CACNA1C: variants seen among roughly 807,000 people sequenced by gnomAD.
CACNA1C encodes the protein voltage-dependent L-type calcium channel subunit alpha-1C.
In CACNA1C, 30 loss-of-function variants were observed where a neutral mutation model predicts 229.0. That is an observed-to-expected ratio of 0.13 (90% CI 0.10 to 0.18). The LOEUF (loss-of-function observed/expected upper bound fraction) is 0.18, where lower values mean the gene tolerates loss of function less well. Ranked by LOEUF, CACNA1C falls within the 10% of genes least tolerant of loss-of-function variation. CACNA1C has a pLI of 1.00. For missense variants in CACNA1C, 1,658 were observed against 2,845.0 expected, an observed-to-expected ratio of 0.58 and a Z score of 9.49; for synonymous variants, 1,114 against 1,132.5, an observed-to-expected ratio of 0.98 and a Z score of 0.33.
chr12:2,297,595 G>A (rs2094168831), intron 3 of CACNA1C, among the ~76,000 whole-genome samples: 1 of 152,198 alleles, frequency 6.6e-6, no homozygotes, highest in African/African-American at 2.4e-5. Context: ...CCCCACCACT[G>A]CTGAGCCCCA....
chr12:2,365,155 T>C (rs1197319457), intron 3 of CACNA1C, among the ~76,000 whole-genome samples: 1 of 152,268 alleles, frequency 6.6e-6, no homozygotes, highest in Non-Finnish European at 1.5e-5. Flanking sequence ...TGTGAAATTA[T>C]GGAGCGTGTG....
intron 3 of CACNA1C, among the ~76,000 whole-genome samples, chr12:2,162,070 G>A (rs149690810): frequency 6.6e-6 from 1 of 152,230 alleles, no homozygotes; most frequent in African/African-American, 2.4e-5. Flanking sequence ...TGTAGGAATG[G>A]GGATAAAAAT....
intron 3 of CACNA1C, among the ~76,000 whole-genome samples, chr12:2,194,250 GCCTCCTCCTCCT>G (rs56198094): frequency 3.0e-5 from 4 of 133,548 alleles, no homozygotes; most frequent in East Asian, 2.2e-4. Flanking sequence ...CTCCTCCACT[GCCTCCTCCTCCT>G]CCTCCTCCTC....
At chr12:2,533,047 G>C (rs1461244827) in intron 9 of CACNA1C, among the ~76,000 whole-genome samples, 1 of 152,136 alleles carries the variant, frequency 6.6e-6, no homozygotes, top group Admixed American at 6.5e-5. Flanking sequence ...TCTAAGATTC[G>C]GGCAAAGAGG....
intron 3 of CACNA1C, among the ~76,000 whole-genome samples, chr12:2,286,545 G>C (rs1035219921): frequency 1.1e-4 from 17 of 152,138 alleles, no homozygotes; most frequent in African/African-American, 4.1e-4. Context: ...TTCTGGCTTC[G>C]GGGCTTCTCT....
chr12:2,188,520 T>C (rs1486461842), intron 3 of CACNA1C, among the ~76,000 whole-genome samples: 4 of 152,214 alleles, frequency 2.6e-5, no homozygotes, highest in African/African-American at 7.2e-5. Flanking sequence ...AAAAAGCTTA[T>C]AGGATATAAG....
intron 34 of CACNA1C, among the ~76,000 whole-genome samples, chr12:2,657,980 A>C (rs979451620): frequency 6.6e-6 from 1 of 151,392 alleles, no homozygotes; most frequent in African/African-American, 2.5e-5. Flanking sequence ...ATTACATACC[A>C]ATAGAAGTAT....
intron 3 of CACNA1C, among the ~76,000 whole-genome samples, chr12:2,299,723 C>T (rs1049327541): frequency 2.0e-5 from 3 of 152,148 alleles, no homozygotes; most frequent in Non-Finnish European, 2.9e-5. Flanking sequence ...AAGGGGAAAA[C>T]TTGATCCTCA....
chr12:2,582,973 G>GGCCCCCA (rs769996350), intron 15 of CACNA1C, 31 bp downstream of exon 15: 8 of 1,491,350 alleles, frequency 5.4e-6, no homozygotes, highest in South Asian at 3.6e-5. Context: ...CCACCCCTGC[G>GGCCCCCA]GCCCCCAGCC....
chr12:2,154,137 G>C (rs1465501467), intron 3 of CACNA1C, among the ~76,000 whole-genome samples: 4 of 152,182 alleles, frequency 2.6e-5, no homozygotes, highest in African/African-American at 9.7e-5. Flanking sequence ...TTTTCCTCCA[G>C]CTTCTCTGTT....
chr12:2,251,427 G>T (rs1028654822), intron 3 of CACNA1C, among the ~76,000 whole-genome samples: 1 of 152,202 alleles, frequency 6.6e-6, no homozygotes, highest in African/African-American at 2.4e-5. Flanking sequence ...CCTGCAAGGG[G>T]AGAAGTAGCT....
At chr12:2,607,366 T>C in intron 26 of CACNA1C, 1 of 482,770 alleles carries the variant, frequency 2.1e-6, no homozygotes. Flanking sequence ...GACCTTTTTT[T>C]AGCCCTCTTT....
intron 1 of CACNA1C, chr12:2,004,258 C>T (rs2042894805): frequency 6.2e-7 from 1 of 1,612,304 alleles, no homozygotes; most frequent in African/African-American, 1.3e-5. Flanking sequence ...CTGGGCTGCA[C>T]TGCTCCGCCG....
chr12:2,318,945 G>A (rs1246592630), intron 3 of CACNA1C, among the ~76,000 whole-genome samples: 7 of 151,026 alleles, frequency 4.6e-5, no homozygotes, highest in African/African-American at 1.7e-4. Context: ...AGGAAGGCAG[G>A]CAGGGAGGGA....
chr12:2,300,972 G>T (rs918438775), intron 3 of CACNA1C, among the ~76,000 whole-genome samples: 2 of 152,186 alleles, frequency 1.3e-5, no homozygotes, highest in African/African-American at 4.8e-5. Context: ...GGAAGGTGAG[G>T]GTCCCTGTTG....
At chr12:2,592,563 G>C (rs1160805050) in intron 18 of CACNA1C, among the ~76,000 whole-genome samples, 1 of 152,230 alleles carries the variant, frequency 6.6e-6, no homozygotes, top group Non-Finnish European at 1.5e-5. Flanking sequence ...GGAATAAGCT[G>C]TCTGACTTTG....
chr12:1,978,411 G>A (rs962687014), intron 1 of CACNA1C, among the ~76,000 whole-genome samples: 1 of 152,008 alleles, frequency 6.6e-6, no homozygotes, highest in African/African-American at 2.4e-5. Flanking sequence ...CAGAGATCAG[G>A]GTTAGCAGAA....
chr12:2,402,290 T>C (rs113991758), intron 3 of CACNA1C, among the ~76,000 whole-genome samples: 98 of 152,376 alleles, frequency 6.4e-4, no homozygotes, highest in African/African-American at 2.3e-3. Flanking sequence ...TTGAGAAAGA[T>C]AATGAAATGA....
chr12:2,096,386 A>G (rs2073983893), intron 1 of CACNA1C, among the ~76,000 whole-genome samples: 1 of 152,184 alleles, frequency 6.6e-6, no homozygotes, highest in East Asian at 1.9e-4. Flanking sequence ...TTGTCCTGCC[A>G]CATATCTCTC....
Sources: allele counts gnomAD v4.1 joint callset (sites outside exome capture counted in the v4.1 genomes callset), GRCh38; gene constraint gnomAD v4.1.1; transcripts MANE v1.5; gene names NCBI Gene and HGNC (gene_info 2026-07-23, HGNC 2026-07-21).